Variants in PCSK5 observed in about 807,000 individuals in gnomAD.
The protein encoded by PCSK5 is proprotein convertase subtilisin/kexin type 5.
In PCSK5, 129 loss-of-function variants were observed where a neutral mutation model predicts 233.2. The observed-to-expected ratio is 0.55, with a 90% CI of 0.48 to 0.64. The LOEUF (loss-of-function observed/expected upper bound fraction) is 0.64, where lower values mean the gene tolerates loss of function less well. PCSK5 is among the 30% of genes least tolerant of loss of function. The probability of loss-of-function intolerance (pLI) is 0.00; values close to 1 mark genes in which losing one functional copy is unlikely to be tolerated. For missense variants in PCSK5, 2,076 were observed against 2,430.1 expected, an observed-to-expected ratio of 0.85 and a Z score of 3.06; for synonymous variants, 825 against 879.2, an observed-to-expected ratio of 0.94 and a Z score of 1.09.
Position 76,359,950 on chromosome 9 carries a change from C to CA in PCSK5, c.*1029dup. The stretch of plus-strand genomic sequence containing the variant: ...CTCTAGCTGCTGACCAGCCTTCCAG[C>CA]ACTGCTCATCACTATGATTTTTGTT... On this transcript the variant is annotated 3_prime_UTR_variant, in exon 38 of 38. Transcript: ENST00000674117. 1 of 152,082 alleles carries CA rather than the reference C, an allele frequency of 6.6e-6. No homozygotes were observed. Among genetic ancestry groups the CA allele is most frequent in the East Asian group, 1.9e-4 (1 of 5,196 alleles). 9.4% of individuals were successfully genotyped at this position (152,082 alleles called of 1,614,324 possible).
chr9:75,965,193 C>T (rs1487104076), intron 2 of PCSK5, among the ~76,000 whole-genome samples: 1 of 152,110 alleles, frequency 6.6e-6, no homozygotes, highest in African/African-American at 2.4e-5. Flanking sequence ...TTAGGGTTCT[C>T]CAGGGACCCA....
intron 2 of PCSK5, among the ~76,000 whole-genome samples, chr9:75,934,696 C>T (rs1052644413): frequency 1.3e-5 from 2 of 151,998 alleles, no homozygotes; most frequent in Admixed American, 6.5e-5. Flanking sequence ...ATTCTCCTGC[C>T]TCAGCCTCCT....
rs939749756 is a variant in PCSK5 at position 76,055,796 on chromosome 9, T to C, written c.633-12159T>C. Reference sequence around the variant, plus strand: ...TAGGATACCCTGGTCTAGTTCTCATTTGTAAAATAAGAGAAATAATATATG... The same window carrying C: ...TAGGATACCCTGGTCTAGTTCTCATCTGTAAAATAAGAGAAATAATATATG... On this transcript the variant is annotated intron_variant, in intron 5 of 37. Coordinates refer to ENST00000674117, the MANE Select transcript of PCSK5 (RefSeq NM_001372043.1). Among the ~76,000 whole-genome samples the C allele has an allele frequency of 7.3e-4, 111 of 152,286 alleles. 1 individual carries two copies. The highest frequency in any genetic ancestry group is 6.8e-3 in the Middle Eastern group (2 of 294).
At position 76,328,089 on chromosome 9, in the gene PCSK5, G is replaced by T; in HGVS notation, c.4420G>T (p.Gly1474Trp). 6.2e-7 allele frequency: 1 copy of T among 1,612,814 alleles called. No individual in the cohort carries two copies. The highest frequency in any genetic ancestry group is 8.5e-7 in the Non-Finnish European group (1 of 1,179,818). Residue 1474 changes from glycine (G) to tryptophan (W), a missense_variant, in exon 33 of 38, where the codon GGG (glycine) becomes TGG (tryptophan). Physicochemically the swap from Gly to Trp is radical, Grantham distance 184. Around this residue, in one of 6 missense-constraint regions of PCSK5, gnomAD observed 1,510 missense variants for 1,538.1 expected, o/e 0.98. Coordinates refer to ENST00000674117, the MANE Select transcript of PCSK5 (RefSeq NM_001372043.1). ...CQKGLIMNPR[G>W]SCMANEKCSP... ...GAAAGGCCTGATCATGAACCCTCGTGGGAGCTGCATGGCCAACGAGAAGTG... is the reference window on the plus strand; with the variant it reads ...GAAAGGCCTGATCATGAACCCTCGTTGGAGCTGCATGGCCAACGAGAAGTG...
At chr9:76,143,388 C>T (rs11144765) in intron 10 of PCSK5, among the ~76,000 whole-genome samples, 18,502 of 152,060 alleles carry the variant, frequency 0.12, 1,433 homozygotes, top group East Asian at 0.32. Flanking sequence ...ATTTTGGAGC[C>T]GCTGCGGTGA....
chr9:75,900,060 G>A (rs1482595993), intron 1 of PCSK5, among the ~76,000 whole-genome samples: 1 of 152,190 alleles, frequency 6.6e-6, no homozygotes, highest in Non-Finnish European at 1.5e-5. Context: ...GAGAAACGGA[G>A]TACAACAGTT....
rs1460352650 is a variant in PCSK5 at position 76,096,033 on chromosome 9, G to T, written c.1038G>T (p.Trp346Cys). 1 of 1,614,006 alleles carries T rather than the reference G, an allele frequency of 6.2e-7. No individual in the cohort carries two copies. The highest frequency in any genetic ancestry group is 1.3e-5 in the African/African-American group (1 of 74,908). The change falls in exon 8 of 38, where the codon TGG (tryptophan) becomes TGT (cysteine). Residue 346 changes from tryptophan (W) to cysteine (C), a missense_variant. Coordinates refer to ENST00000674117, the MANE Select transcript of PCSK5 (RefSeq NM_001372043.1). ...SSTAESGKKP[W>C]YLEECSSTLA... ...CTGCAGAAAGCGGAAAGAAACCTTG[G>T]TACCTGGAAGAGTGTTCATCCACGC...
At chr9:76,145,008 C>G (rs1325924565) in intron 10 of PCSK5, among the ~76,000 whole-genome samples, 1 of 151,980 alleles carries the variant, frequency 6.6e-6, no homozygotes, top group Non-Finnish European at 1.5e-5. Context: ...GCCTGTAATC[C>G]CAGCTACTCA....
At chr9:76,331,919 A>G (rs1157567834) in intron 33 of PCSK5, among the ~76,000 whole-genome samples, 1 of 152,218 alleles carries the variant, frequency 6.6e-6, no homozygotes, top group Non-Finnish European at 1.5e-5. Context: ...ACAGTAAGAT[A>G]ATAAATTGTT....
chr9:76,092,232 C>T (rs1048027690), intron 7 of PCSK5, among the ~76,000 whole-genome samples: 5 of 152,168 alleles, frequency 3.3e-5, no homozygotes, highest in Non-Finnish European at 5.9e-5. Context: ...CTTTTCTGCT[C>T]TTATATCCTA....
At position 76,339,607 on chromosome 9, in the gene PCSK5, C is replaced by T. The variant is rs535169528; in HGVS notation, c.4966+1160C>T. ...TCGCCCAGGCTGGAGTGCAGTGGCG[C>T]GATCTTGGCTCACTGCAACCTCCGC... On this transcript the variant is annotated intron_variant, in intron 35 of 37. Transcript: ENST00000674117. 1.3e-4 allele frequency among the ~76,000 whole-genome samples: 20 copies of T among 152,186 alleles called. No individual in the cohort carries two copies. The East Asian group carries it at 3.1e-3, about 23-fold the overall frequency.
At chr9:76,060,987 T>C (rs1254989063) in intron 5 of PCSK5, among the ~76,000 whole-genome samples, 1 of 152,138 alleles carries the variant, frequency 6.6e-6, no homozygotes, top group Non-Finnish European at 1.5e-5. Flanking sequence ...ACAGAGTATT[T>C]GAAAGTAAAA....
At chr9:76,255,841 A>G (rs1826966451) in intron 24 of PCSK5, among the ~76,000 whole-genome samples, 3 of 152,170 alleles carry the variant, frequency 2.0e-5, no homozygotes, top group African/African-American at 7.2e-5. Context: ...TCTCAAAAAG[A>G]AGAAAAAAAT....
chr9:76,338,945 C>T (rs1829756365), intron 35 of PCSK5, among the ~76,000 whole-genome samples: 1 of 151,928 alleles, frequency 6.6e-6, no homozygotes, highest in Admixed American at 6.6e-5. Flanking sequence ...CCCAACCCAC[C>T]CACCTCCAAC....
At chr9:76,103,288 A>G (rs1587631088) in intron 8 of PCSK5, among the ~76,000 whole-genome samples, 2 of 152,210 alleles carry the variant, frequency 1.3e-5, no homozygotes, top group African/African-American at 4.8e-5. Context: ...CCAGAAACAA[A>G]TTCAACCTAA....
At chr9:76,055,583 T>C (rs999587062) in intron 5 of PCSK5, among the ~76,000 whole-genome samples, 1 of 152,142 alleles carries the variant, frequency 6.6e-6, no homozygotes, top group Non-Finnish European at 1.5e-5. Context: ...TAAAATATAC[T>C]ATCAAATATG....
intron 5 of PCSK5, among the ~76,000 whole-genome samples, chr9:76,049,487 G>A (rs998101252): frequency 1.3e-5 from 2 of 152,212 alleles, no homozygotes; most frequent in African/African-American, 4.8e-5. Flanking sequence ...GCGTGGTGTA[G>A]CTAATTTGAA....
intron 12 of PCSK5, among the ~76,000 whole-genome samples, chr9:76,168,372 T>TCCTGACCTCAGGTGATCTGCCCA (rs1217252659): frequency 1.3e-5 from 2 of 152,206 alleles, no homozygotes; most frequent in Non-Finnish European, 2.9e-5. Context: ...TGGTCTGAAC[T>TCCTGACCTCAGGTGATCTGCCCA]CCTGACCTCA....
At chr9:76,158,035 CTA>C (rs1428543257) in intron 11 of PCSK5, among the ~76,000 whole-genome samples, 9 of 151,950 alleles carry the variant, frequency 5.9e-5, no homozygotes, top group African/African-American at 2.2e-4. Flanking sequence ...CACTAAGTAA[CTA>C]TTTTTCTCGC....
Sources: allele counts gnomAD v4.1 joint callset (sites outside exome capture counted in the v4.1 genomes callset), GRCh38; gene constraint gnomAD v4.1.1; regional missense constraint gnomAD v4.1.1; transcripts MANE v1.5; gene names NCBI Gene and HGNC (gene_info 2026-07-23, HGNC 2026-07-21).